ATP10B: variants seen among roughly 807,000 people sequenced by gnomAD.
ATP10B encodes the protein ATPase phospholipid transporting 10B (putative).
Under a neutral mutation model 141.2 loss-of-function variants are expected in ATP10B, and 122 were observed. The observed-to-expected ratio is 0.86, with a 90% CI of 0.75 to 1.00. ATP10B has a LOEUF of 1.00. Among genes scored for constraint, ATP10B ranks in the 50% least tolerant of loss-of-function variants. The pLI, the probability that ATP10B is intolerant of heterozygous loss-of-function variation, is 0.00. For synonymous variants in ATP10B, 685 were observed against 692.0 expected, an observed-to-expected ratio of 0.99 and a Z score of 0.16; for missense variants, 1,876 against 1,825.3, an observed-to-expected ratio of 1.03 and a Z score of -0.51.
At chr5:160,911,993 A>G in the ATP10B span, among the ~76,000 whole-genome samples, 5 of 152,214 alleles carry the variant, frequency 3.3e-5, no homozygotes, top group Non-Finnish European at 7.3e-5. Context: ...ACACTTTGCT[A>G]TGTGTAAAGA....
chr5:160,683,134 A>G (rs1290936336), intron 6 of ATP10B, among the ~76,000 whole-genome samples: 1 of 151,926 alleles, frequency 6.6e-6, no homozygotes, highest in African/African-American at 2.4e-5. Context: ...GGAAGGCATC[A>G]CACCCCAGCA....
intron 6 of ATP10B, among the ~76,000 whole-genome samples, chr5:160,675,253 T>C (rs1762952506): frequency 6.6e-6 from 1 of 152,080 alleles, no homozygotes; most frequent in African/African-American, 2.4e-5. Context: ...GGGAACTGAC[T>C]GCTATTTTAG....
chr5:160,667,708 C>A (rs939575867), intron 7 of ATP10B, among the ~76,000 whole-genome samples: 4 of 152,038 alleles, frequency 2.6e-5, no homozygotes, highest in Admixed American at 2.6e-4. Context: ...TGTGAATGAC[C>A]CTTTTACCTG....
chr5:160,685,598 G>C (rs1763701592), intron 6 of ATP10B, among the ~76,000 whole-genome samples: 3 of 152,166 alleles, frequency 2.0e-5, no homozygotes, highest in African/African-American at 7.2e-5. Context: ...CTTGGTTTGG[G>C]AGACACTGCC....
At chr5:160,786,891 G>A (rs1451493890) in intron 1 of ATP10B, among the ~76,000 whole-genome samples, 1 of 152,058 alleles carries the variant, frequency 6.6e-6, no homozygotes, top group Non-Finnish European at 1.5e-5. Context: ...GCTGAACTAA[G>A]TCAATGGACA....
chr5:160,859,014 TA>T, the ATP10B span, among the ~76,000 whole-genome samples: 2 of 151,932 alleles, frequency 1.3e-5, no homozygotes, highest in African/African-American at 4.8e-5. Context: ...TAACATGTTA[TA>T]TTTTCCTTTC....
At chr5:160,666,539 A>C (rs1762328578) in intron 7 of ATP10B, among the ~76,000 whole-genome samples, 1 of 152,210 alleles carries the variant, frequency 6.6e-6, no homozygotes, top group Non-Finnish European at 1.5e-5. Context: ...GAAATTCTGC[A>C]GAACACATAT....
At chr5:160,610,990 A>T (rs1757689486) in intron 18 of ATP10B, among the ~76,000 whole-genome samples, 1 of 152,214 alleles carries the variant, frequency 6.6e-6, no homozygotes. Flanking sequence ...CCTTGGAGGA[A>T]ATATCCACGG....
chr5:160,735,185 A>G (rs1767023306), intron 2 of ATP10B, among the ~76,000 whole-genome samples: 1 of 151,846 alleles, frequency 6.6e-6, no homozygotes, highest in Non-Finnish European at 1.5e-5. Flanking sequence ...TAAATGGACT[A>G]AAATCTCTAA....
intron 2 of ATP10B, among the ~76,000 whole-genome samples, chr5:160,776,487 T>C (rs1225423504): frequency 5.9e-5 from 9 of 152,214 alleles, no homozygotes; most frequent in African/African-American, 2.4e-5. Context: ...CCCTGTGAGG[T>C]AGGTGCAATT....
rs566227284 is a variant in ATP10B, at chr5:160,844,414, CATA to C, written c.-576+7524_-576+7526del. Among the ~76,000 whole-genome samples, 12 of 152,278 alleles carry C rather than the reference CATA, an allele frequency of 7.9e-5. No homozygotes were observed. The East Asian group carries it at 1.9e-3, about 24-fold the overall frequency. ...TCCATGAAGCAACAAAAATGAATCT[CATA>C]ATGAGATTTCTCAAACTTTCTTAGC... is the stretch of plus-strand genomic sequence containing the variant. On this transcript the variant is annotated intron_variant, in intron 1 of 25. Coordinates refer to ENST00000327245, the MANE Select transcript of ATP10B (RefSeq NM_025153.3).
chr5:160,869,167 T>C, the ATP10B span, among the ~76,000 whole-genome samples: 100 of 152,318 alleles, frequency 6.6e-4, no homozygotes, highest in Non-Finnish European at 1.2e-3. Flanking sequence ...CTGACATATG[T>C]GTGTACACAT....
chr5:160,894,761 C>T, the ATP10B span, among the ~76,000 whole-genome samples: 1 of 152,098 alleles, frequency 6.6e-6, no homozygotes, highest in Non-Finnish European at 1.5e-5. Context: ...CCAGATTCAC[C>T]AAGGTTGAAA....
At chr5:160,817,426 T>C (rs1385102054) in intron 1 of ATP10B, among the ~76,000 whole-genome samples, 1 of 152,086 alleles carries the variant, frequency 6.6e-6, no homozygotes. Context: ...ATAAAATACC[T>C]AGGAATCCAA....
intron 6 of ATP10B, among the ~76,000 whole-genome samples, chr5:160,678,198 C>T (rs538548114): frequency 5.3e-5 from 8 of 152,202 alleles, no homozygotes; most frequent in Middle Eastern, 3.2e-3. Flanking sequence ...ATCATTATAA[C>T]CCTGTCCACT....
At chr5:160,842,460 C>T (rs531493263) in intron 1 of ATP10B, among the ~76,000 whole-genome samples, 9 of 151,586 alleles carry the variant, frequency 5.9e-5, no homozygotes, top group Non-Finnish European at 8.8e-5. Context: ...CAAATGTAAA[C>T]GGAAGAAGGT....
intron 1 of ATP10B, among the ~76,000 whole-genome samples, chr5:160,796,346 G>A (rs79367003): frequency 0.056 from 8,496 of 152,282 alleles, 341 homozygotes; most frequent in Non-Finnish European, 0.077. Context: ...GCTATGGAGA[G>A]TTCCACTTAC....
the ATP10B span, among the ~76,000 whole-genome samples, chr5:160,899,471 G>A: frequency 5.9e-5 from 9 of 152,108 alleles, no homozygotes; most frequent in Non-Finnish European, 8.8e-5. Context: ...GGTCTTCATT[G>A]TGGTAATGGT....
At chr5:160,739,420 T>C (rs957129776) in intron 2 of ATP10B, among the ~76,000 whole-genome samples, 14 of 152,176 alleles carry the variant, frequency 9.2e-5, no homozygotes, top group African/African-American at 3.4e-4. Flanking sequence ...TAACATATGC[T>C]AGAAAATCCT....
Sources: gnomAD v4.1 joint callset for allele counts (sites outside exome capture counted in the v4.1 genomes callset) on GRCh38, gnomAD v4.1.1 for gene constraint, MANE v1.5 for transcripts, NCBI Gene and HGNC (gene_info 2026-07-23, HGNC 2026-07-21) for gene names.